Variants in DHRSX observed in about 807,000 individuals in gnomAD.
The protein encoded by DHRSX is polyprenol dehydrogenase.
Under a neutral mutation model 34.0 loss-of-function variants are expected in DHRSX, and 31 were observed. The ratio of observed to expected loss-of-function variants is 0.91; its 90% CI spans 0.69 to 1.23. The LOEUF (loss-of-function observed/expected upper bound fraction) is 1.23, where lower values mean the gene tolerates loss of function less well. Ranked by LOEUF, DHRSX falls within the 50% of genes most tolerant of loss-of-function variation. The pLI is 0.00. For missense variants in DHRSX, 414 were observed against 428.1 expected (o/e 0.97, Z 0.29); for synonymous variants, 201 against 183.8 (o/e 1.09, Z -0.76).
At position 2,226,683 on chromosome X, in the gene DHRSX, C is replaced by G. The variant is rs759133623; in HGVS notation, c.805-5454G>C. Among the ~76,000 whole-genome samples, 54 of 66,630 alleles carry G rather than the reference C, an allele frequency of 8.1e-4. No individual in the cohort carries two copies. The East Asian group carries it at 0.038, about 47-fold the overall frequency. The allele number at this position is 66,630 out of a possible 152,430, so 43.7% of individuals were successfully genotyped here. On this transcript the variant is annotated intron_variant, in intron 6 of 6. Transcript: ENST00000334651. Reference sequence around the variant, plus strand: ...GGGCATGGTGGCGAGCGCCTGTAGTCCCAGCTACTCGGGAGGCAGGAGAAT... The same window carrying G: ...GGGCATGGTGGCGAGCGCCTGTAGTGCCAGCTACTCGGGAGGCAGGAGAAT...
At chrX:2,364,326 T>G (rs190944490) in intron 3 of DHRSX, among the ~76,000 whole-genome samples, 4 of 152,270 alleles carry the variant, frequency 2.6e-5, no homozygotes, top group Admixed American at 6.5e-5. Flanking sequence ...CCATGTCAAG[T>G]GGGTGGAGCC....
rs779652534 is a variant in DHRSX, at chrX:2,451,558, G to A, written c.110-26254C>T. 5.9e-5 allele frequency among the ~76,000 whole-genome samples: 9 copies of A among 152,242 alleles called. No homozygotes were observed. In the East Asian group the frequency reaches 1.7e-3, roughly 29 times the overall value. ...AAGCGTGTAGGGGAAGAAGAATGTG[G>A]ACGGGGCAGGGGAAGGAATGAATTC... On this transcript the variant is annotated intron_variant, in intron 1 of 6. Transcript: ENST00000334651.
Position 2,394,772 on chromosome X carries a change from G to A in DHRSX, c.286+13973C>T, listed in dbSNP as rs1292459008. 8.5e-5 allele frequency among the ~76,000 whole-genome samples: 13 copies of A among 152,136 alleles called. No individual in the cohort carries two copies. The East Asian group carries it at 1.9e-3, about 23-fold the overall frequency. On this transcript the variant is annotated intron_variant, in intron 3 of 6. Transcript: ENST00000334651. ...TCCCAGCTACTCAGTAGGCTGAGGC[G>A]GGAGAATGGCGTGAACCTGGGAGGC... is the stretch of plus-strand genomic sequence containing the variant.
intron 3 of DHRSX, among the ~76,000 whole-genome samples, chrX:2,312,472 G>T (rs1366165441): frequency 6.6e-6 from 1 of 151,846 alleles, no homozygotes; most frequent in Non-Finnish European, 1.5e-5. Flanking sequence ...ACTATCACAG[G>T]AACAGAAAAC....
At chrX:2,297,280 G>A (rs780854006) in intron 3 of DHRSX, among the ~76,000 whole-genome samples, 3 of 152,258 alleles carry the variant, frequency 2.0e-5, no homozygotes, top group African/African-American at 7.2e-5. Flanking sequence ...GCAGCACCAC[G>A]CCTGGCTACT....
At chrX:2,381,974 G>A (rs1189239782) in intron 3 of DHRSX, among the ~76,000 whole-genome samples, 5 of 152,206 alleles carry the variant, frequency 3.3e-5, no homozygotes, top group South Asian at 2.1e-4. Context: ...ACATGGCTTC[G>A]TAGGAGAGTC....
At chrX:2,239,077 A>G (rs946271137) in intron 6 of DHRSX, among the ~76,000 whole-genome samples, 5 of 152,152 alleles carry the variant, frequency 3.3e-5, no homozygotes, top group African/African-American at 1.2e-4. Context: ...TCTGCTCTAT[A>G]ATTTTAAAGT....
At chrX:2,461,404 G>A (rs1395824671) in intron 1 of DHRSX, among the ~76,000 whole-genome samples, 2 of 152,186 alleles carry the variant, frequency 1.3e-5, no homozygotes, top group African/African-American at 4.8e-5. Flanking sequence ...CCAAAACAGG[G>A]AAAAGAAAGG....
At chrX:2,328,657 C>A (rs1352465666) in intron 3 of DHRSX, among the ~76,000 whole-genome samples, 1 of 152,194 alleles carries the variant, frequency 6.6e-6, no homozygotes, top group African/African-American at 2.4e-5. Context: ...TCAGGAAGAA[C>A]CAGCCCTGCC....
intron 4 of DHRSX, among the ~76,000 whole-genome samples, chrX:2,283,108 A>G (rs1026535219): frequency 3.3e-5 from 5 of 151,924 alleles, no homozygotes; most frequent in Non-Finnish European, 5.9e-5. Flanking sequence ...CTGAAAAACC[A>G]CTGCTTCTCA....
intron 3 of DHRSX, among the ~76,000 whole-genome samples, chrX:2,378,419 C>T (rs2043166347): frequency 1.3e-5 from 2 of 152,124 alleles, no homozygotes; most frequent in Admixed American, 6.6e-5. Flanking sequence ...TTTTCTTCTG[C>T]CTCTGCCACC....
chrX:2,298,184 T>C (rs62595537), intron 3 of DHRSX, among the ~76,000 whole-genome samples: 94,714 of 151,632 alleles, frequency 0.62, 30,534 homozygotes, highest in Middle Eastern at 0.75. Context: ...CCCCAGGAGC[T>C]GGGGGAGGCC....
intron 2 of DHRSX, among the ~76,000 whole-genome samples, chrX:2,418,095 C>T (rs2043718898): frequency 6.6e-6 from 1 of 151,862 alleles, no homozygotes; most frequent in South Asian, 2.1e-4. Context: ...TGACCTAGCC[C>T]AACAAGATTT....
intron 2 of DHRSX, among the ~76,000 whole-genome samples, chrX:2,412,604 A>T (rs1194031106): frequency 2.0e-5 from 3 of 151,886 alleles, no homozygotes; most frequent in Non-Finnish European, 4.4e-5. Flanking sequence ...AAGGAAATGA[A>T]ATCAGCCCCT....
chrX:2,414,179 C>A (rs1190780689), intron 2 of DHRSX, among the ~76,000 whole-genome samples: 2 of 151,818 alleles, frequency 1.3e-5, no homozygotes, highest in African/African-American at 4.8e-5. Flanking sequence ...CATGACCAAC[C>A]CAACTACCTC....
chrX:2,491,583 C>T (rs1316792732), intron 1 of DHRSX, among the ~76,000 whole-genome samples: 1 of 152,220 alleles, frequency 6.6e-6, no homozygotes, highest in Non-Finnish European at 1.5e-5. Context: ...AGAAGCCAAA[C>T]AGGACCTCCA....
At chrX:2,313,517 C>T (rs1286985055) in intron 3 of DHRSX, among the ~76,000 whole-genome samples, 31 of 151,942 alleles carry the variant, frequency 2.0e-4, no homozygotes, top group African/African-American at 3.1e-4. Flanking sequence ...TACAGGCAAG[C>T]GCCACCATGC....
chrX:2,232,494 G>A (rs2015918777), intron 6 of DHRSX, among the ~76,000 whole-genome samples: 1 of 152,092 alleles, frequency 6.6e-6, no homozygotes, highest in African/African-American at 2.4e-5. Context: ...TCAAGAGAAT[G>A]GGCCAGAGAG....
chrX:2,330,127 A>AAGGAGGAGGAG (rs1556476324), intron 3 of DHRSX, among the ~76,000 whole-genome samples: 4 of 108,482 alleles, frequency 3.7e-5, no homozygotes, highest in African/African-American at 8.6e-5. Flanking sequence ...AGAGAGACAG[A>AAGGAGGAGGAG]GAGAAAGGAA....
Sources: gnomAD v4.1 joint callset for allele counts (sites outside exome capture counted in the v4.1 genomes callset) on GRCh38, gnomAD v4.1.1 for gene constraint, MANE v1.5 for transcripts, NCBI Gene and HGNC (gene_info 2026-07-23, HGNC 2026-07-21) for gene names.